Variants in PCDHA2 observed in about 807,000 individuals in gnomAD.
PCDHA2 encodes the protein protocadherin alpha 2.
A neutral mutation model predicts 66.0 loss-of-function variants in PCDHA2; 58 were observed. That is an observed-to-expected ratio of 0.88 (90% CI 0.71 to 1.09). The LOEUF is 1.09. Ranked by LOEUF, PCDHA2 falls within the 50% of genes least tolerant of loss-of-function variation. PCDHA2 has a pLI of 0.00. For synonymous variants in PCDHA2, 634 were observed against 554.0 expected (o/e 1.14, Z -2.03); for missense variants, 1,267 against 1,242.3 (o/e 1.02, Z -0.30).
chr5:140,968,422 G>C, intron 1 of PCDHA2: 2 of 1,613,984 alleles, frequency 1.2e-6, no homozygotes, highest in Non-Finnish European at 1.7e-6. Context: ...TGGAGGCTCA[G>C]GACAAGGGGA....
chr5:140,829,709 G>T (rs1362946626), intron 1 of PCDHA2: 3 of 1,613,434 alleles, frequency 1.9e-6, no homozygotes, highest in Non-Finnish European at 1.7e-6. Context: ...CGCGCGCGAC[G>T]CGGGCGTGCC....
Position 140,857,121 on chromosome 5 carries a change from T to C in PCDHA2, c.2388+59769T>C. 3.1e-6 allele frequency: 5 copies of C among 1,597,978 alleles called. 1 individual carries two copies. Among genetic ancestry groups the C allele is most frequent in the Non-Finnish European group, 4.3e-6 (5 of 1,167,600 alleles). ...ATTGTCACTTCTCTGTCTCTCCCAG[T>C]GAAAGAAGATGCTCAAGTGGGCACC... On this transcript the variant is annotated intron_variant, in intron 1 of 3. Transcript: ENST00000526136.
intron 1 of PCDHA2, among the ~76,000 whole-genome samples, chr5:140,971,045 T>G (rs2096453995): frequency 6.6e-6 from 1 of 152,090 alleles, no homozygotes; most frequent in Non-Finnish European, 1.5e-5. Context: ...CGTAAAAGGG[T>G]TTAGCTTTAA....
intron 1 of PCDHA2, chr5:140,843,171 G>C: frequency 6.3e-7 from 1 of 1,596,072 alleles, no homozygotes; most frequent in Non-Finnish European, 8.6e-7. Context: ...GCTGCAAGCA[G>C]CCCTCGCATC....
At chr5:140,884,681 A>G (rs2060314464) in intron 1 of PCDHA2, 1 of 1,546,928 alleles carries the variant, frequency 6.5e-7, no homozygotes, top group Non-Finnish European at 8.7e-7. Flanking sequence ...ATATTTTAAA[A>G]AATTGTCTTA....
At chr5:140,858,356 T>G (rs782216764) in intron 1 of PCDHA2, 1 of 1,593,100 alleles carries the variant, frequency 6.3e-7, no homozygotes, top group Non-Finnish European at 8.6e-7. Context: ...CCTCATGGCC[T>G]TCAGCCCCAG....
At chr5:140,927,782 C>T (rs550993125) in intron 1 of PCDHA2, 50 of 1,614,098 alleles carry the variant, frequency 3.1e-5, no homozygotes, top group South Asian at 2.2e-4. Context: ...CAAGTAGCTG[C>T]TTCACTAGGT....
intron 1 of PCDHA2, chr5:140,969,008 G>A (rs782541476): frequency 6.2e-7 from 1 of 1,614,194 alleles, no homozygotes; most frequent in Non-Finnish European, 8.5e-7. Context: ...CTTCTGTGGA[G>A]TAAGGGAAAG....
intron 1 of PCDHA2, chr5:140,857,472 C>A: frequency 6.3e-7 from 1 of 1,598,636 alleles, no homozygotes; most frequent in Non-Finnish European, 8.6e-7. Flanking sequence ...CACATCTTCA[C>A]GGTGTCTGCG....
intron 1 of PCDHA2, among the ~76,000 whole-genome samples, chr5:140,955,262 C>T (rs1473601347): frequency 1.3e-5 from 2 of 152,044 alleles, no homozygotes; most frequent in African/African-American, 4.8e-5. Flanking sequence ...TATAAAGGCT[C>T]TTTTTTGGTT....
chr5:140,883,702 T>C (rs367854871), intron 1 of PCDHA2: 80 of 1,613,632 alleles, frequency 5.0e-5, no homozygotes, highest in South Asian at 6.6e-5. Context: ...TCACGGTGTC[T>C]GCTCAGGACG....
chr5:140,971,958 CT>C (rs1176007834), intron 1 of PCDHA2, among the ~76,000 whole-genome samples: 2 of 152,172 alleles, frequency 1.3e-5, no homozygotes, highest in African/African-American at 2.4e-5. Context: ...ACTCCAAAAA[CT>C]TTTTTTCAAT....
chr5:140,874,567 G>A (rs2055003260), intron 1 of PCDHA2, among the ~76,000 whole-genome samples: 1 of 152,180 alleles, frequency 6.6e-6, no homozygotes, highest in African/African-American at 2.4e-5. Flanking sequence ...GCATTTTAGT[G>A]CTCCATTGTT....
At chr5:140,837,816 A>G (rs1775270589) in intron 1 of PCDHA2, among the ~76,000 whole-genome samples, 1 of 151,680 alleles carries the variant, frequency 6.6e-6, no homozygotes, top group Non-Finnish European at 1.5e-5. Flanking sequence ...AGCTGGGAAT[A>G]CAGTTTGCAT....
chr5:140,885,161 T>C (rs1554182019), intron 1 of PCDHA2, among the ~76,000 whole-genome samples: 1 of 151,600 alleles, frequency 6.6e-6, no homozygotes, highest in Non-Finnish European at 1.5e-5. Flanking sequence ...TTGTCTCTAC[T>C]TTTTTGTCCT....
intron 1 of PCDHA2, chr5:140,882,507 A>G: frequency 6.2e-7 from 1 of 1,614,182 alleles, no homozygotes; most frequent in Non-Finnish European, 8.5e-7. Flanking sequence ...GTAAATCTGC[A>G]GAATGGCATT....
chr5:141,000,359 CTG>C (rs1554257257), intron 3 of PCDHA2, among the ~76,000 whole-genome samples: 2 of 78,146 alleles, frequency 2.6e-5, no homozygotes, highest in South Asian at 4.6e-4. Context: ...CTGTCTCTCT[CTG>C]TCTCTCTCTC....
At chr5:140,855,892 G>T (rs1227119052) in intron 1 of PCDHA2, 2 of 1,011,396 alleles carry the variant, frequency 2.0e-6, no homozygotes, top group Non-Finnish European at 1.4e-6. Flanking sequence ...TAGAACAAAG[G>T]CATCAGCCAG....
intron 1 of PCDHA2, chr5:140,876,444 T>A (rs1554168564): frequency 6.2e-7 from 1 of 1,613,996 alleles, no homozygotes; most frequent in Non-Finnish European, 8.5e-7. Context: ...ACGCCATTGA[T>A]AAAGGGATTC....
Sources: allele counts gnomAD v4.1 joint callset (sites outside exome capture counted in the v4.1 genomes callset), GRCh38; gene constraint gnomAD v4.1.1; transcripts MANE v1.5; gene names NCBI Gene and HGNC (gene_info 2026-07-23, HGNC 2026-07-21).